The following GRM3 variants were observed in gnomAD, a reference collection of about 807,000 sequenced individuals.
GRM3 encodes glutamate metabotropic receptor 3.
A neutral mutation model predicts 70.5 loss-of-function variants in GRM3; 26 were observed. The observed-to-expected ratio is 0.37, with a 90% CI of 0.27 to 0.51. GRM3 has a LOEUF of 0.51. GRM3 is among the 20% of genes least tolerant of loss of function. The pLI, the probability that GRM3 is intolerant of heterozygous loss-of-function variation, is 0.93. For missense variants in GRM3, 859 were observed against 1,123.8 expected, an observed-to-expected ratio of 0.76 and a Z score of 3.37; for synonymous variants, 443 against 434.9, an observed-to-expected ratio of 1.02 and a Z score of -0.23.
At chr7:86,780,285 G>A (rs1797012969) in intron 2 of GRM3, among the ~76,000 whole-genome samples, 1 of 152,124 alleles carries the variant, frequency 6.6e-6, no homozygotes, top group South Asian at 2.1e-4. Context: ...CTAGATCCCT[G>A]TATGCATATG....
At chr7:86,768,520 A>G (rs1796660813) in intron 2 of GRM3, among the ~76,000 whole-genome samples, 1 of 152,212 alleles carries the variant, frequency 6.6e-6, no homozygotes, top group South Asian at 2.1e-4. Context: ...AGTAACTATA[A>G]TTCAGAATAT....
intron 1 of GRM3, among the ~76,000 whole-genome samples, chr7:86,725,656 GCAAA>G (rs1795575744): frequency 6.6e-6 from 1 of 152,130 alleles, no homozygotes. Flanking sequence ...GCCACAGTAG[GCAAA>G]CAATTTTCTC....
chr7:86,652,257 T>C (rs1443247545), intron 1 of GRM3, among the ~76,000 whole-genome samples: 2 of 152,162 alleles, frequency 1.3e-5, no homozygotes, highest in Non-Finnish European at 2.9e-5. Flanking sequence ...GGTCCTAAAT[T>C]TGTGTTTGTT....
chr7:86,668,613 G>A (rs1003886404), intron 1 of GRM3, among the ~76,000 whole-genome samples: 2 of 152,052 alleles, frequency 1.3e-5, no homozygotes, highest in Admixed American at 6.6e-5. Context: ...AAACTTGGAG[G>A]GAAGGAGGAG....
intron 1 of GRM3, among the ~76,000 whole-genome samples, chr7:86,715,812 A>G (rs1795300265): frequency 6.6e-6 from 1 of 152,014 alleles, no homozygotes; most frequent in Non-Finnish European, 1.5e-5. Flanking sequence ...TTAGAATACA[A>G]AGAGAAAATT....
At chr7:86,720,808 A>T (rs975796448) in intron 1 of GRM3, among the ~76,000 whole-genome samples, 3 of 152,102 alleles carry the variant, frequency 2.0e-5, no homozygotes, top group Non-Finnish European at 4.4e-5. Context: ...TTTGTTCAAC[A>T]AATATTGATG....
Position 86,864,451 on chromosome 7 carries a change from C to A in GRM3, c.*96C>A. ...ATGGAAACAGAGCAAAAGAACAACC[C>A]TAGTACCTTTTTTTAGAAACAGTAC... On this transcript the variant is annotated 3_prime_UTR_variant, in exon 6 of 6. Coordinates refer to ENST00000361669, the MANE Select transcript of GRM3 (RefSeq NM_000840.3). 1.2e-6 allele frequency: 1 copy of A among 861,718 alleles called. No individual in the cohort carries two copies. Among genetic ancestry groups the A allele is most frequent in the South Asian group, 1.3e-5 (1 of 75,890 alleles). The allele number at this position is 861,718 out of a possible 1,614,324, so 53.4% of individuals were successfully genotyped here.
chr7:86,832,969 T>C (rs1798383976), intron 3 of GRM3: 4 of 975,242 alleles, frequency 4.1e-6, no homozygotes, highest in Non-Finnish European at 3.7e-6. Flanking sequence ...GTTGTAAGTC[T>C]TTTATAAAAA....
intron 4 of GRM3, among the ~76,000 whole-genome samples, chr7:86,845,029 A>G (rs970716990): frequency 6.6e-6 from 1 of 152,146 alleles, no homozygotes; most frequent in Non-Finnish European, 1.5e-5. Context: ...ATCTGGGATT[A>G]CAGGCACATG....
At chr7:86,763,424 G>A (rs748202075) in intron 1 of GRM3, among the ~76,000 whole-genome samples, 3 of 152,108 alleles carry the variant, frequency 2.0e-5, no homozygotes, top group Non-Finnish European at 4.4e-5. Context: ...CTGACCAAGT[G>A]TTTGCTCTAG....
chr7:86,757,115 A>T (rs999620104), intron 1 of GRM3, among the ~76,000 whole-genome samples: 5 of 152,156 alleles, frequency 3.3e-5, no homozygotes, highest in Non-Finnish European at 5.9e-5. Context: ...ATAATAGTCC[A>T]AGTTCTTGTC....
At chr7:86,812,160 G>C (rs774109233) in intron 3 of GRM3, among the ~76,000 whole-genome samples, 13 of 151,620 alleles carry the variant, frequency 8.6e-5, no homozygotes, top group Non-Finnish European at 1.5e-5. Context: ...CATTATGAGA[G>C]GTAAAAGTAA....
intron 3 of GRM3, among the ~76,000 whole-genome samples, chr7:86,835,803 G>A (rs571782714): frequency 6.6e-6 from 1 of 152,114 alleles, no homozygotes; most frequent in East Asian, 1.9e-4. Flanking sequence ...GTAGAGATGA[G>A]GTTTCATCAC....
At chr7:86,812,570 T>C (rs994155925) in intron 3 of GRM3, among the ~76,000 whole-genome samples, 13 of 151,808 alleles carry the variant, frequency 8.6e-5, no homozygotes, top group Non-Finnish European at 1.9e-4. Context: ...AAGCCACTGA[T>C]GATCCATTGG....
chr7:86,726,122 T>C (rs1256937452), intron 1 of GRM3, among the ~76,000 whole-genome samples: 2 of 152,154 alleles, frequency 1.3e-5, no homozygotes, highest in Non-Finnish European at 2.9e-5. Context: ...CTATCTTGGG[T>C]CTTTGGTCCT....
At chr7:86,715,251 T>C (rs1299283308) in intron 1 of GRM3, among the ~76,000 whole-genome samples, 1 of 151,992 alleles carries the variant, frequency 6.6e-6, no homozygotes, top group Non-Finnish European at 1.5e-5. Context: ...CCTGGTTACC[T>C]TGGTTGCACT....
At position 86,789,933 on chromosome 7, in the gene GRM3, G is replaced by C. The variant is rs1797363897; in HGVS notation, c.1324+2817G>C. Among the ~76,000 whole-genome samples, 3 of 152,274 alleles carry C rather than the reference G, an allele frequency of 2.0e-5. No individual in the cohort carries two copies. The South Asian group carries it at 6.2e-4, about 32-fold the overall frequency. On this transcript the variant is annotated intron_variant, in intron 3 of 5. Transcript: ENST00000361669. The stretch of plus-strand genomic sequence containing the variant: ...AAACAGATTTTTAGAGCTATGCCTT[G>C]CTAAAGATTCTTCCAAATAGTAATC...
intron 5 of GRM3, among the ~76,000 whole-genome samples, chr7:86,852,496 G>A (rs78638105): frequency 6.6e-6 from 1 of 152,124 alleles, no homozygotes; most frequent in South Asian, 2.1e-4. Context: ...CAGCAGACCT[G>A]TTAAACTATT....
intron 1 of GRM3, among the ~76,000 whole-genome samples, chr7:86,694,511 C>CAAAAAA (rs1226119828): frequency 1.9e-4 from 7 of 37,558 alleles, no homozygotes; most frequent in South Asian, 1.8e-3. Context: ...GACTCTGTCT[C>CAAAAAA]AAAAAAAAAA....
Sources: gnomAD v4.1 joint callset for allele counts (sites outside exome capture counted in the v4.1 genomes callset) on GRCh38, gnomAD v4.1.1 for gene constraint, MANE v1.5 for transcripts, NCBI Gene and HGNC (gene_info 2026-07-23, HGNC 2026-07-21) for gene names.